The following CDK8 variants were observed in gnomAD, a reference collection of about 807,000 sequenced individuals.
The protein encoded by CDK8 is cyclin dependent kinase 8.
Under a neutral mutation model 71.5 loss-of-function variants are expected in CDK8, and 29 were observed. The observed-to-expected ratio is 0.41, with a 90% CI of 0.30 to 0.55. The LOEUF (loss-of-function observed/expected upper bound fraction) is 0.55, where lower values mean the gene tolerates loss of function less well. Ranked by LOEUF, CDK8 falls within the 20% of genes least tolerant of loss-of-function variation. The probability of loss-of-function intolerance (pLI) is 0.37; values close to 1 mark genes in which losing one functional copy is unlikely to be tolerated. For missense variants in CDK8, 288 were observed against 572.6 expected (o/e 0.50, Z 5.07); for synonymous variants, 161 against 192.1 (o/e 0.84, Z 1.34).
At position 26,336,588 on chromosome 13, in the gene CDK8, C is replaced by T. The variant is rs556744141; in HGVS notation, c.129-979C>T. Among the ~76,000 whole-genome samples the T allele has an allele frequency of 8.7e-4, 121 of 139,178 alleles. 1 individual carries two copies. Among genetic ancestry groups the T allele is most frequent in the African/African-American group, 3.2e-3 (117 of 36,926 alleles). 91.3% of individuals were successfully genotyped at this position (139,178 alleles called of 152,430 possible). Reference sequence around the variant, plus strand: ...TTTTTTTTTGAGACGGAGTCTCGCTCTGTCGCCCAGGCTGGACTGCAGTGG... The same window carrying T: ...TTTTTTTTTGAGACGGAGTCTCGCTTTGTCGCCCAGGCTGGACTGCAGTGG... On this transcript the variant is annotated intron_variant, in intron 1 of 12. Coordinates refer to ENST00000381527, the MANE Select transcript of CDK8 (RefSeq NM_001260.3).
At chr13:26,311,469 C>G (rs1016511709) in intron 1 of CDK8, among the ~76,000 whole-genome samples, 80 of 152,304 alleles carry the variant, frequency 5.3e-4, no homozygotes, top group African/African-American at 1.8e-3. Context: ...TCTAATATCT[C>G]ACAAAACCAT....
At chr13:26,299,569 A>G (rs560401007) in intron 1 of CDK8, among the ~76,000 whole-genome samples, 58 of 152,292 alleles carry the variant, frequency 3.8e-4, no homozygotes, top group African/African-American at 1.0e-3. Flanking sequence ...ATCACTAGCT[A>G]CACAGTTCAC....
intron 1 of CDK8, among the ~76,000 whole-genome samples, chr13:26,318,976 G>A (rs1397767978): frequency 6.6e-6 from 1 of 151,992 alleles, no homozygotes; most frequent in African/African-American, 2.4e-5. Flanking sequence ...AATTAAGCAA[G>A]TAAAATATTT....
At chr13:26,394,428 C>G (rs1396234028) in intron 7 of CDK8, among the ~76,000 whole-genome samples, 2 of 152,158 alleles carry the variant, frequency 1.3e-5, no homozygotes, top group Non-Finnish European at 2.9e-5. Flanking sequence ...TTTATTTATT[C>G]AGTAAATATT....
intron 1 of CDK8, among the ~76,000 whole-genome samples, chr13:26,267,345 G>A (rs558380159): frequency 6.6e-6 from 1 of 152,226 alleles, no homozygotes; most frequent in South Asian, 2.1e-4. Flanking sequence ...AATAAGATGG[G>A]ACTATGAAAT....
intron 1 of CDK8, among the ~76,000 whole-genome samples, chr13:26,274,251 T>G (rs1310222672): frequency 1.3e-5 from 2 of 152,190 alleles, no homozygotes; most frequent in African/African-American, 4.8e-5. Context: ...TGCCTCCTCC[T>G]TGATCAATAG....
chr13:26,265,522 T>G (rs1871983306), intron 1 of CDK8, among the ~76,000 whole-genome samples: 1 of 152,198 alleles, frequency 6.6e-6, no homozygotes, highest in South Asian at 2.1e-4. Flanking sequence ...AGAATTACTT[T>G]ATAAGGAAGA....
At chr13:26,349,953 A>G (rs920914489) in intron 3 of CDK8, among the ~76,000 whole-genome samples, 3 of 152,072 alleles carry the variant, frequency 2.0e-5, no homozygotes, top group East Asian at 1.9e-4. Context: ...TACCTTTTCT[A>G]TGTTTACATA....
chr13:26,348,543 A>G (rs1873555095), intron 2 of CDK8, among the ~76,000 whole-genome samples: 1 of 152,128 alleles, frequency 6.6e-6, no homozygotes, highest in Non-Finnish European at 1.5e-5. Context: ...TCTTGAAACC[A>G]TCCACCATCT....
intron 4 of CDK8, among the ~76,000 whole-genome samples, chr13:26,373,283 G>C (rs1410090033): frequency 6.6e-6 from 1 of 151,946 alleles, no homozygotes; most frequent in African/African-American, 2.4e-5. Flanking sequence ...TCTAATGTCT[G>C]TCTTCCTTAT....
intron 4 of CDK8, chr13:26,359,669 G>T: frequency 2.6e-6 from 1 of 378,086 alleles, no homozygotes; most frequent in African/African-American, 2.1e-5. Flanking sequence ...CATTTTGAGA[G>T]CATCTAGACA....
intron 1 of CDK8, among the ~76,000 whole-genome samples, chr13:26,258,566 A>C (rs930135237): frequency 3.3e-5 from 5 of 151,980 alleles, no homozygotes; most frequent in Admixed American, 6.6e-5. Flanking sequence ...TAGTGGAAAG[A>C]ACTCTAGATG....
At chr13:26,310,954 AC>A (rs1874257364) in intron 1 of CDK8, among the ~76,000 whole-genome samples, 1 of 150,960 alleles carries the variant, frequency 6.6e-6, no homozygotes, top group Admixed American at 6.6e-5. Flanking sequence ...CCTCCTCCCT[AC>A]CCACCCACAA....
intron 12 of CDK8, among the ~76,000 whole-genome samples, chr13:26,402,146 A>G (rs538650440): frequency 9.8e-5 from 15 of 152,322 alleles, no homozygotes; most frequent in South Asian, 4.1e-4. Flanking sequence ...AAGCTGTAGT[A>G]AGGATTAAAT....
At chr13:26,378,317 T>G (rs1875051748) in intron 4 of CDK8, among the ~76,000 whole-genome samples, 1 of 152,192 alleles carries the variant, frequency 6.6e-6, no homozygotes, top group Admixed American at 6.5e-5. Flanking sequence ...AAATCATTGG[T>G]GCACTCTCCT....
chr13:26,302,389 A>G (rs920319539), intron 1 of CDK8, among the ~76,000 whole-genome samples: 1 of 152,226 alleles, frequency 6.6e-6, no homozygotes, highest in East Asian at 1.9e-4. Context: ...TATATGAACC[A>G]ATTGATATGG....
intron 1 of CDK8, among the ~76,000 whole-genome samples, chr13:26,316,684 C>T (rs146387655): frequency 5.3e-4 from 81 of 152,220 alleles, no homozygotes; most frequent in African/African-American, 1.9e-3. Context: ...CACACAGACA[C>T]GCAATAACGA....
At chr13:26,399,812 G>A (rs150502466) in intron 9 of CDK8, among the ~76,000 whole-genome samples, 2 of 152,250 alleles carry the variant, frequency 1.3e-5, no homozygotes, top group East Asian at 1.9e-4. Flanking sequence ...CCAATGTCAC[G>A]CAGCTAATAA....
intron 4 of CDK8, among the ~76,000 whole-genome samples, chr13:26,368,408 C>G (rs1279133738): frequency 6.6e-6 from 1 of 152,166 alleles, no homozygotes; most frequent in Non-Finnish European, 1.5e-5. Flanking sequence ...CTGATATATT[C>G]AAAATCTTTC....
Sources: allele counts gnomAD v4.1 joint callset (sites outside exome capture counted in the v4.1 genomes callset), GRCh38; gene constraint gnomAD v4.1.1; transcripts MANE v1.5; gene names NCBI Gene and HGNC (gene_info 2026-07-23, HGNC 2026-07-21).